KLHL13: variants seen among roughly 807,000 people sequenced by gnomAD.
The protein encoded by KLHL13 is kelch-like protein 13.
A neutral mutation model predicts 37.1 loss-of-function variants in KLHL13; 10 were observed. The ratio of observed to expected loss-of-function variants is 0.27; its 90% confidence interval spans 0.17 to 0.46. The LOEUF is 0.46. KLHL13 is among the 20% of genes least tolerant of loss of function. The probability of loss-of-function intolerance (pLI) is 1.00; values close to 1 mark genes in which losing one functional copy is unlikely to be tolerated. For synonymous variants in KLHL13, 163 were observed against 181.2 expected (o/e 0.90, Z 0.81); for missense variants, 360 against 509.3 (o/e 0.71, Z 2.82).
chrX:118,086,951 C>A (rs2055060900), intron 1 of KLHL13, among the ~76,000 whole-genome samples: 1 of 110,824 alleles, frequency 9.0e-6, no homozygotes, highest in Non-Finnish European at 1.9e-5. Flanking sequence ...TAAAACATAA[C>A]CTTAACAAAT....
At chrX:117,991,844 AAACTCTCTCTCTCTCTCT>A (rs2053793092) in intron 1 of KLHL13, among the ~76,000 whole-genome samples, 1 of 51,739 alleles carries the variant, frequency 1.9e-5, no homozygotes, top group African/African-American at 6.9e-5. Flanking sequence ...TCCTACAGTG[AAACTCTCTCTCTCTCTCT>A]CTCTCTCTCT....
intron 2 of KLHL13, among the ~76,000 whole-genome samples, chrX:117,944,137 C>T (rs955187866): frequency 3.6e-5 from 4 of 110,917 alleles, no homozygotes; most frequent in Non-Finnish European, 7.5e-5. Flanking sequence ...CCCTGTTTGC[C>T]CGGGTATCAC....
chrX:118,074,689 C>G (rs916786979), intron 1 of KLHL13, among the ~76,000 whole-genome samples: 4 of 111,890 alleles, frequency 3.6e-5, no homozygotes, highest in Non-Finnish European at 5.6e-5. Flanking sequence ...CATTTGAAAA[C>G]TGGACCTCCA....
chrX:117,954,405 G>A (rs1196977270), intron 1 of KLHL13, among the ~76,000 whole-genome samples: 5 of 111,519 alleles, frequency 4.5e-5, no homozygotes, highest in Non-Finnish European at 9.4e-5. Context: ...TAGATAGGTA[G>A]ACGGATGGAT....
At chrX:118,093,255 A>G (rs2055159953) in intron 1 of KLHL13, among the ~76,000 whole-genome samples, 1 of 112,212 alleles carries the variant, frequency 8.9e-6, no homozygotes, top group East Asian at 2.8e-4. Flanking sequence ...TTCCTTTCAT[A>G]ACCAGATAAT....
intron 1 of KLHL13, among the ~76,000 whole-genome samples, chrX:118,073,207 G>A (rs12836394): frequency 0.033 from 3,670 of 110,844 alleles, 148 homozygotes; most frequent in African/African-American, 0.11. Context: ...CAGAGACTGG[G>A]CAATTTACAA....
chrX:118,093,283 A>G (rs2055160584), intron 1 of KLHL13, among the ~76,000 whole-genome samples: 1 of 112,148 alleles, frequency 8.9e-6, no homozygotes. Flanking sequence ...ATATAAAATA[A>G]TAACTAACAT....
intron 4 of KLHL13, among the ~76,000 whole-genome samples, chrX:117,912,986 A>G (rs907083580): frequency 8.9e-6 from 1 of 112,167 alleles, no homozygotes; most frequent in Non-Finnish European, 1.9e-5. Flanking sequence ...TCAAAATGAG[A>G]CACAGACAAG....
At chrX:117,943,010 A>C in intron 2 of KLHL13, among the ~76,000 whole-genome samples, 1 of 111,313 alleles carries the variant, frequency 9.0e-6, no homozygotes, top group Middle Eastern at 4.6e-3. Context: ...AGCTCTTATA[A>C]GGCAGGCCTG....
At chrX:118,031,162 T>A (rs975462345) in intron 1 of KLHL13, among the ~76,000 whole-genome samples, 1 of 110,188 alleles carries the variant, frequency 9.1e-6, no homozygotes, top group Non-Finnish European at 1.9e-5. Context: ...CTTAAAATAT[T>A]AGGAGTTTTA....
At chrX:118,089,620 G>GAAAGAGAAAGAA (rs773944967) in intron 1 of KLHL13, among the ~76,000 whole-genome samples, 3 of 71,918 alleles carry the variant, frequency 4.2e-5, no homozygotes, top group African/African-American at 5.8e-5. Context: ...GAGAAAGAAA[G>GAAAGAGAAAGAA]AGAAAGAAAG....
At chrX:118,048,057 G>A (rs540371947) in intron 1 of KLHL13, among the ~76,000 whole-genome samples, 2 of 111,484 alleles carry the variant, frequency 1.8e-5, no homozygotes, top group African/African-American at 6.5e-5. Flanking sequence ...TGGAGTAATG[G>A]AGATGAGCTG....
intron 1 of KLHL13, 85 bp downstream of exon 2, chrX:118,028,339 C>A: frequency 3.5e-6 from 2 of 573,224 alleles, no homozygotes; most frequent in Non-Finnish European, 5.7e-6. Context: ...ACCAAGTATT[C>A]AACAAATATT....
intron 1 of KLHL13, among the ~76,000 whole-genome samples, chrX:118,030,736 G>A (rs951495886): frequency 1.2e-4 from 13 of 111,761 alleles, no homozygotes; most frequent in African/African-American, 4.2e-4. Flanking sequence ...CTCTCCCTCT[G>A]CCTCTTTTTG....
At chrX:118,090,797 T>C (rs1362448569) in intron 1 of KLHL13, among the ~76,000 whole-genome samples, 1 of 110,165 alleles carries the variant, frequency 9.1e-6, no homozygotes, top group African/African-American at 3.3e-5. Context: ...CAAAGGATTA[T>C]AAGTCATGCT....
intron 1 of KLHL13, among the ~76,000 whole-genome samples, chrX:118,035,787 A>G (rs2054430465): frequency 9.4e-6 from 1 of 106,920 alleles, no homozygotes; most frequent in African/African-American, 3.7e-5. Context: ...CAATTAGGAA[A>G]AGAGGAAGTC....
At chrX:118,111,795 G>C (rs2055413275) in intron 1 of KLHL13, among the ~76,000 whole-genome samples, 1 of 112,156 alleles carries the variant, frequency 8.9e-6, no homozygotes, top group African/African-American at 3.2e-5. Flanking sequence ...GGGAGGCTGA[G>C]GTAGGAGAAC....
At chrX:117,935,344 T>C (rs947531924) in intron 2 of KLHL13, among the ~76,000 whole-genome samples, 1 of 112,493 alleles carries the variant, frequency 8.9e-6, no homozygotes, top group Non-Finnish European at 1.9e-5. Context: ...TGGTAAGTAA[T>C]AGAAACTAGT....
exon 1 of KLHL13, chrX:117,972,915 C>G (rs2053548338): frequency 8.8e-7 from 1 of 1,142,606 alleles, no homozygotes; most frequent in Non-Finnish European, 1.2e-6. Context: ...TGTACTGACA[C>G]AGCAGTGGCT....
Sources: allele counts gnomAD v4.1 joint callset (sites outside exome capture counted in the v4.1 genomes callset), GRCh38; gene constraint gnomAD v4.1.1; transcripts MANE v1.5; gene names NCBI Gene and HGNC (gene_info 2026-07-23, HGNC 2026-07-21).